The following CADPS2 variants were observed in gnomAD, a reference collection of about 807,000 sequenced individuals.
CADPS2 encodes the protein calcium-dependent secretion activator 2.
A neutral mutation model predicts 172.5 loss-of-function variants in CADPS2; 93 were observed. The observed-to-expected ratio is 0.54, with a 90% confidence interval of 0.46 to 0.64. The LOEUF (loss-of-function observed/expected upper bound fraction) is 0.64, where lower values mean the gene tolerates loss of function less well. Among genes scored for constraint, CADPS2 ranks in the 30% least tolerant of loss-of-function variants. CADPS2 has a pLI of 0.00. For missense variants in CADPS2, 1,420 were observed against 1,565.9 expected (o/e 0.91, Z 1.57); for synonymous variants, 546 against 555.2 (o/e 0.98, Z 0.23).
intron 29 of CADPS2, among the ~76,000 whole-genome samples, chr7:122,322,232 C>A (rs2032721430): frequency 1.3e-5 from 2 of 152,114 alleles, no homozygotes; most frequent in South Asian, 2.1e-4. Context: ...TTTTTGAGTT[C>A]AACTTTCTTA....
intron 9 of CADPS2, among the ~76,000 whole-genome samples, chr7:122,502,245 T>C (rs1426772260): frequency 1.3e-5 from 2 of 152,170 alleles, no homozygotes; most frequent in African/African-American, 4.8e-5. Flanking sequence ...AAAATTGTAA[T>C]CTTTGGAGGT....
chr7:122,447,694 C>T (rs898864813), intron 15 of CADPS2, among the ~76,000 whole-genome samples: 3 of 151,574 alleles, frequency 2.0e-5, no homozygotes, highest in African/African-American at 7.3e-5. Flanking sequence ...ACCGGGACTA[C>T]AGGAGCTCAC....
chr7:122,819,711 C>G (rs1017091499), intron 1 of CADPS2, among the ~76,000 whole-genome samples: 4 of 152,122 alleles, frequency 2.6e-5, no homozygotes, highest in African/African-American at 9.7e-5. Context: ...AAATTATCTG[C>G]TTCCCTGACT....
In CADPS2 at chr7:122,635,777, T is replaced by C. The variant is rs545378973; in HGVS notation, c.787-6449A>G. Among the ~76,000 whole-genome samples the C allele has an allele frequency of 2.6e-5, 4 of 152,324 alleles. No homozygotes were observed. The East Asian group carries it at 7.7e-4, about 29-fold the overall frequency. On this transcript the variant is annotated intron_variant, in intron 3 of 29. Transcript: ENST00000449022. ...AAGAAGAACCCATTTTATGAATCTT[T>C]GTGCTCCAGTGTTGGATGTGTATAT...
At chr7:122,464,427 C>T (rs530399633) in intron 14 of CADPS2, among the ~76,000 whole-genome samples, 9 of 152,246 alleles carry the variant, frequency 5.9e-5, no homozygotes, top group African/African-American at 1.4e-4. Flanking sequence ...TTCTGAATAA[C>T]GTATGCAGAT....
intron 1 of CADPS2, among the ~76,000 whole-genome samples, chr7:122,794,088 C>T (rs541656428): frequency 5.9e-5 from 9 of 152,136 alleles, no homozygotes; most frequent in Middle Eastern, 3.4e-3. Context: ...GAGAATCTGA[C>T]GATTACATGT....
At position 122,621,557 on chromosome 7, in the gene CADPS2, G is replaced by C. The variant is rs1342587442; in HGVS notation, c.1028C>G (p.Ser343Cys). The C allele has an allele frequency of 6.2e-7, 1 of 1,613,792 alleles. No homozygotes were observed. ...CTCATCTCCTATGTCCAAAAATGCA[G>C]AGTTCTGTGAACGTTTTAATTTTTG... is the stretch of plus-strand genomic sequence containing the variant. The part of the protein sequence containing the change: ...KLQKLKRSQN[S>C]AFLDIGDENE... Residue 343 changes from serine to cysteine, a missense_variant, in exon 5 of 30, where the codon TCT becomes TGT. Ser to Cys is a moderately radical substitution (Grantham distance 112, BLOSUM62 -1). Transcript: ENST00000449022.
chr7:122,677,314 C>T (rs980992232), intron 2 of CADPS2, among the ~76,000 whole-genome samples: 1 of 152,106 alleles, frequency 6.6e-6, no homozygotes. Flanking sequence ...AAAGAATTTG[C>T]AAATCAAAAG....
At chr7:122,483,875 A>C (rs565543754) in intron 11 of CADPS2, among the ~76,000 whole-genome samples, 1 of 152,286 alleles carries the variant, frequency 6.6e-6, no homozygotes, top group South Asian at 2.1e-4. Flanking sequence ...AACAAAGATG[A>C]AATACCTAGA....
chr7:122,677,535 C>T (rs558373768), intron 2 of CADPS2, among the ~76,000 whole-genome samples: 15 of 152,248 alleles, frequency 9.9e-5, no homozygotes, highest in African/African-American at 3.4e-4. Context: ...CAGAGAGTCA[C>T]ATGATAAAAA....
chr7:122,761,674 A>C (rs1368358616), intron 1 of CADPS2, among the ~76,000 whole-genome samples: 1 of 151,904 alleles, frequency 6.6e-6, no homozygotes, highest in Non-Finnish European at 1.5e-5. Flanking sequence ...AAAACGTATT[A>C]AGCAAACAAA....
intron 1 of CADPS2, among the ~76,000 whole-genome samples, chr7:122,841,267 T>C (rs1810404968): frequency 6.6e-6 from 1 of 152,188 alleles, no homozygotes; most frequent in Admixed American, 6.5e-5. Flanking sequence ...ATTGTTGCCT[T>C]TCTTGACATA....
chr7:122,510,672 T>C (rs2059942628), intron 9 of CADPS2, among the ~76,000 whole-genome samples: 1 of 152,162 alleles, frequency 6.6e-6, no homozygotes, highest in Admixed American at 6.6e-5. Context: ...AGCAGGGGTA[T>C]ACTGTCCTCC....
chr7:122,328,768 T>C (rs1245819360), intron 28 of CADPS2, among the ~76,000 whole-genome samples: 1 of 152,182 alleles, frequency 6.6e-6, no homozygotes. Flanking sequence ...GTGAGACCCC[T>C]GTATTTATTC....
intron 1 of CADPS2, among the ~76,000 whole-genome samples, chr7:122,870,196 T>C (rs1013897169): frequency 6.6e-6 from 1 of 152,042 alleles, no homozygotes; most frequent in Non-Finnish European, 1.5e-5. Context: ...TACCCAACTA[T>C]ATGCTTCCAA....
intron 16 of CADPS2, among the ~76,000 whole-genome samples, chr7:122,439,660 A>G (rs906891726): frequency 1.4e-5 from 2 of 139,768 alleles, no homozygotes; most frequent in Non-Finnish European, 3.2e-5. Context: ...AGCAAACTTT[A>G]TCATTCTCTC....
intron 29 of CADPS2, among the ~76,000 whole-genome samples, 193 bp from the exon 30 acceptor site, chr7:122,320,531 C>T (rs955035126): frequency 3.3e-5 from 5 of 152,148 alleles, no homozygotes; most frequent in African/African-American, 1.2e-4. Flanking sequence ...TTGCTTCAAA[C>T]TACAATTACT....
At chr7:122,849,957 C>T (rs1813070791) in intron 1 of CADPS2, 2 of 554,622 alleles carry the variant, frequency 3.6e-6, no homozygotes, top group Non-Finnish European at 6.3e-6. Flanking sequence ...GTACTAGCCC[C>T]AGGCTTTCCT....
intron 17 of CADPS2, among the ~76,000 whole-genome samples, chr7:122,436,158 G>A (rs1164882602): frequency 1.3e-5 from 2 of 152,078 alleles, no homozygotes; most frequent in African/African-American, 4.8e-5. Flanking sequence ...AAAGAGGGCA[G>A]GAGGAAACTT....
Sources: allele counts gnomAD v4.1 joint callset (sites outside exome capture counted in the v4.1 genomes callset), GRCh38; gene constraint gnomAD v4.1.1; transcripts MANE v1.5; gene names NCBI Gene and HGNC (gene_info 2026-07-23, HGNC 2026-07-21).